The following DCHS2 variants were observed in gnomAD, a reference collection of about 807,000 sequenced individuals.
The protein encoded by DCHS2 is dachsous cadherin-related 2.
A neutral mutation model predicts 182.4 loss-of-function variants in DCHS2; 142 were observed. The ratio of observed to expected loss-of-function variants is 0.78; its 90% CI spans 0.68 to 0.89. DCHS2 has a LOEUF of 0.89. Among genes scored for constraint, DCHS2 ranks in the 40% least tolerant of loss-of-function variants. The pLI is 0.00. For missense variants in DCHS2, 4,319 were observed against 4,198.6 expected (o/e 1.03, Z -0.79); for synonymous variants, 1,740 against 1,663.3 (o/e 1.05, Z -1.12).
intron 5 of DCHS2, among the ~76,000 whole-genome samples, chr4:154,330,157 G>GCCTGGGACTGCT (rs1736463156): frequency 6.6e-6 from 1 of 152,174 alleles, no homozygotes; most frequent in Admixed American, 6.5e-5. Context: ...ACTGCTGTCA[G>GCCTGGGACTGCT]GAAGAAATGT....
Position 154,233,732 on chromosome 4 carries a change from C to CTGTT in DCHS2, c.*800_*803dup, listed in dbSNP as rs1408543561. On this transcript the variant is annotated 3_prime_UTR_variant, in exon 20 of 20. Transcript: ENST00000357232. ...GACAAGACCTGAAAAAAAAGCCATT[C>CTGTT]TGTTTGTAAAGAAGGCCAAGATAAT... 6.6e-6 allele frequency: 1 copy of CTGTT among 152,132 alleles called. No individual in the cohort carries two copies. The highest frequency in any genetic ancestry group is 1.5e-5 in the Non-Finnish European group (1 of 68,020). The allele number at this position is 152,132 out of a possible 1,614,324, so 9.4% of individuals were successfully genotyped here. A position where few individuals can be genotyped will look rare whatever the true frequency, so the allele number is the denominator to read the frequency against.
At chr4:154,391,309 T>A (rs921537650) in intron 1 of DCHS2, 2 of 1,574,862 alleles carry the variant, frequency 1.3e-6, no homozygotes, top group Admixed American at 3.7e-5. Flanking sequence ...ATTTTAAATA[T>A]CTCCTATATG....
rs113808023 is a variant in DCHS2 at position 154,240,611 on chromosome 4, T to G, written c.7285A>C (p.Thr2429Pro). The G allele has an allele frequency of 1.2e-6, 2 of 1,613,980 alleles. No individual in the cohort carries two copies. The highest frequency in any genetic ancestry group is 1.7e-6 in the Non-Finnish European group (2 of 1,179,932). Residue 2429 changes from threonine (T) to proline (P), a missense_variant, in exon 18 of 20, where the codon ACA becomes CCA. Coordinates refer to ENST00000357232, the MANE Select transcript of DCHS2 (RefSeq NM_001358235.2). ...LIQISDSVHY[T>P]EGALVVRVLD... The stretch of plus-strand genomic sequence containing the variant: ...ACACGGACTACAAGTGCTCCCTCTG[T>G]GTAGTGCACTGAATCAGAAATTTGG...
intron 3 of DCHS2, among the ~76,000 whole-genome samples, chr4:154,354,326 C>G (rs1729763007): frequency 3.3e-5 from 5 of 152,152 alleles, no homozygotes; most frequent in Admixed American, 2.6e-4. Flanking sequence ...TTCCCCTGTC[C>G]TCTCATCTAA....
rs72723380 is a variant in DCHS2, at chr4:154,389,398, T to C, written c.2053-11954A>G. 7.9e-3 allele frequency among the ~76,000 whole-genome samples: 1,204 copies of C among 151,622 alleles called. 9 individuals are homozygous for C. Among genetic ancestry groups the C allele is most frequent in the Non-Finnish European group, 0.012 (841 of 67,836 alleles). On this transcript the variant is annotated intron_variant, in intron 1 of 19. Transcript: ENST00000357232. ...CAGGCCCAGGAATACCACTTCAGAA[T>C]GACCTCAGTCCAGTGCATATCAGGG...
At chr4:154,357,395 G>T in intron 3 of DCHS2, 1 of 984,872 alleles carries the variant, frequency 1.0e-6, no homozygotes. Flanking sequence ...TAAGCTATAA[G>T]TCTGCCTTTC....
At chr4:154,368,667 C>T (rs1028772357) in intron 2 of DCHS2, among the ~76,000 whole-genome samples, 3 of 152,154 alleles carry the variant, frequency 2.0e-5, no homozygotes, top group Non-Finnish European at 4.4e-5. Context: ...CAGGCACACA[C>T]CACCACACCC....
intron 1 of DCHS2, among the ~76,000 whole-genome samples, chr4:154,407,207 A>G (rs893772008): frequency 4.6e-5 from 7 of 152,174 alleles, no homozygotes; most frequent in Non-Finnish European, 8.8e-5. Context: ...TAGCTGCTTC[A>G]CCATCATGGG....
chr4:154,295,725 T>A (rs1262047270), intron 13 of DCHS2, among the ~76,000 whole-genome samples: 1 of 152,178 alleles, frequency 6.6e-6, no homozygotes, highest in South Asian at 2.1e-4. Flanking sequence ...AAACTTAATC[T>A]TTACAGTATC....
chr4:154,354,974 C>T (rs1729792279), intron 3 of DCHS2, among the ~76,000 whole-genome samples: 4 of 152,068 alleles, frequency 2.6e-5, no homozygotes, highest in African/African-American at 7.2e-5. Context: ...CTATGCCTTC[C>T]ACAGCTGCCA....
In DCHS2 at chr4:154,239,121, A is replaced by G. The variant is rs751747278; in HGVS notation, c.7492+49T>C. 16 of 1,576,138 alleles carry G rather than the reference A, an allele frequency of 1.0e-5. No homozygotes were observed. The South Asian group carries it at 1.7e-4, about 17-fold the overall frequency. ...TTAGAAAGGGTTATTTCAGGTTTCT[A>G]CTTTGAAACCCAAACCTATGAGCAT... On this transcript the variant is annotated intron_variant, in intron 19 of 19. Coordinates refer to ENST00000357232, the MANE Select transcript of DCHS2 (RefSeq NM_001358235.2).
At chr4:154,475,423 T>C (rs1264381389) in intron 1 of DCHS2, among the ~76,000 whole-genome samples, 2 of 152,230 alleles carry the variant, frequency 1.3e-5, no homozygotes, top group Non-Finnish European at 2.9e-5. Flanking sequence ...ATTTAATTCA[T>C]AAGCTTAAAG....
Position 154,304,804 on chromosome 4 carries a change from C to T in DCHS2, c.5470G>A (p.Asp1824Asn), listed in dbSNP as rs775311881. ...GAAACAATAAACTCTGGTGCGTGATCGTTTTCATCTTCAACAGTGCAGAGG... is the reference window on the plus strand; with the variant it reads ...GAAACAATAAACTCTGGTGCGTGATTGTTTTCATCTTCAACAGTGCAGAGG... Reference protein sequence around the residue: ...TILCTVEDENDHAPEFIVSSY... With the variant: ...TILCTVEDENNHAPEFIVSSY... The change falls in exon 12 of 20, where the codon GAT becomes AAT. Residue 1824 changes from aspartate (D) to asparagine (N), a missense_variant. Coordinates refer to ENST00000357232, the MANE Select transcript of DCHS2 (RefSeq NM_001358235.2). 1.7e-5 allele frequency: 27 copies of T among 1,613,626 alleles called. No homozygotes were observed. Among genetic ancestry groups the T allele is most frequent in the Admixed American group, 5.0e-5 (3 of 59,958 alleles).
At chr4:154,414,733 G>T (rs192914000) in intron 1 of DCHS2, among the ~76,000 whole-genome samples, 1 of 152,098 alleles carries the variant, frequency 6.6e-6, no homozygotes, top group Non-Finnish European at 1.5e-5. Context: ...TTTCTTACAT[G>T]AATATGTAAA....
chr4:154,363,785 T>A (rs991532958), intron 3 of DCHS2, among the ~76,000 whole-genome samples: 1 of 152,204 alleles, frequency 6.6e-6, no homozygotes, highest in Non-Finnish European at 1.5e-5. Context: ...ACAATATACA[T>A]ACATCAAAAC....
chr4:154,452,748 G>A (rs988950478), intron 1 of DCHS2, among the ~76,000 whole-genome samples: 2 of 151,926 alleles, frequency 1.3e-5, no homozygotes, highest in Non-Finnish European at 2.9e-5. Context: ...CTGAAACTAA[G>A]AAGGATCTAC....
At chr4:154,394,635 T>G (rs1281503207) in intron 1 of DCHS2, among the ~76,000 whole-genome samples, 2 of 152,204 alleles carry the variant, frequency 1.3e-5, no homozygotes, top group African/African-American at 2.4e-5. Context: ...GTCCTTTATA[T>G]CTCACTCCTT....
At chr4:154,392,699 T>C (rs1258150782) in intron 1 of DCHS2, among the ~76,000 whole-genome samples, 5 of 152,216 alleles carry the variant, frequency 3.3e-5, no homozygotes, top group African/African-American at 1.2e-4. Context: ...CACCGTTTTG[T>C]ATACCAGCTC....
At chr4:154,474,405 A>C (rs17031693) in intron 1 of DCHS2, among the ~76,000 whole-genome samples, 272 of 152,284 alleles carry the variant, frequency 1.8e-3, no homozygotes, top group East Asian at 0.016. Flanking sequence ...CCTCAGCTAA[A>C]GGGAGCTTCC....
Sources: gnomAD v4.1 joint callset for allele counts (sites outside exome capture counted in the v4.1 genomes callset) on GRCh38, gnomAD v4.1.1 for gene constraint, MANE v1.5 for transcripts, NCBI Gene and HGNC (gene_info 2026-07-23, HGNC 2026-07-21) for gene names.